TAC4: variants seen among roughly 807,000 people sequenced by gnomAD.
TAC4 encodes the protein tachykinin-4.
A neutral mutation model predicts 17.7 loss-of-function variants in TAC4; 17 were observed. That is an observed-to-expected ratio of 0.96 (90% CI 0.66 to 1.44). The LOEUF (loss-of-function observed/expected upper bound fraction) is 1.44, where lower values mean the gene tolerates loss of function less well. Ranked by LOEUF, TAC4 falls within the 40% of genes most tolerant of loss-of-function variation. The pLI, the probability that TAC4 is intolerant of heterozygous loss-of-function variation, is 0.00. For synonymous variants in TAC4, 62 were observed against 52.4 expected, an observed-to-expected ratio of 1.18 and a Z score of -0.79; for missense variants, 118 against 125.6, an observed-to-expected ratio of 0.94 and a Z score of 0.29.
chr17:49,847,979 C>T lies in TAC4; in HGVS notation c.39G>A (p.Leu13=). Residue 13 remains leucine (L), a synonymous_variant, in exon 1 of 5, where the codon CTG becomes CTA. Transcript: ENST00000436235. ...PCLALLLLME[L]SVCTVAGDGG... ...CATCACCTGCCACAGTGCACACGGA[C>T]AGCTCCATCAGGAGAAGCAGGGCGA... 6.2e-7 allele frequency: 1 copy of T among 1,614,224 alleles called. No homozygotes were observed.
At position 49,846,009 on chromosome 17, in the gene TAC4, A is replaced by G. The variant is rs140578810; in HGVS notation, c.106-1852T>C. On this transcript the variant is annotated intron_variant, in intron 1 of 4. Coordinates refer to ENST00000436235, the MANE Select transcript of TAC4 (RefSeq NM_001077506.2). The stretch of plus-strand genomic sequence containing the variant: ...CTCATGAAAACCACTTTGCCTTGGT[A>G]AGAGGCAGCCTTCAGGTGCAAGCTG... The G allele has an allele frequency of 5.1e-4, 126 of 248,176 alleles. No homozygotes were observed. In the East Asian group the frequency reaches 0.012, roughly 23 times the overall value. 15.4% of individuals were successfully genotyped at this position (248,176 alleles called of 1,614,324 possible).
intron 1 of TAC4, chr17:49,847,519 A>C: frequency 2.9e-6 from 1 of 345,472 alleles, no homozygotes; most frequent in Non-Finnish European, 5.6e-6. Flanking sequence ...TGGACAAACT[A>C]CTTGACTTCT....
At chr17:49,842,823 CTGTG>C (rs2074508801) in intron 2 of TAC4, among the ~76,000 whole-genome samples, 2 of 152,162 alleles carry the variant, frequency 1.3e-5, no homozygotes, top group South Asian at 4.1e-4. Flanking sequence ...ATTTGCATAT[CTGTG>C]TGTATGTCGT....
chr17:49,845,476 T>C (rs2070792214), intron 1 of TAC4, among the ~76,000 whole-genome samples: 1 of 152,236 alleles, frequency 6.6e-6, no homozygotes, highest in African/African-American at 2.4e-5. Context: ...CACATGTCTG[T>C]ATCCCCAGCT....
intron 2 of TAC4, among the ~76,000 whole-genome samples, chr17:49,841,901 CTTT>C (rs1161302297): frequency 1.0e-5 from 1 of 99,130 alleles, no homozygotes; most frequent in African/African-American, 3.9e-5. Context: ...GAGATTTAAT[CTTT>C]TTTTTTTTTT....
chr17:49,839,989 CAG>C, intron 3 of TAC4, 80 bp from the exon 4 acceptor site: 4 of 1,409,756 alleles, frequency 2.8e-6, no homozygotes, highest in Non-Finnish European at 4.0e-6. Context: ...GGACAAAGGA[CAG>C]GGCCAGGGCG....
In TAC4 at chr17:49,842,394, G is replaced by A. The variant is rs1160737530; in HGVS notation, c.200-810C>T. Among the ~76,000 whole-genome samples the A allele has an allele frequency of 2.0e-5, 3 of 151,954 alleles. No individual in the cohort carries two copies. In the East Asian group the frequency reaches 5.9e-4, roughly 30 times the overall value. On this transcript the variant is annotated intron_variant, in intron 2 of 4. Coordinates refer to ENST00000436235, the MANE Select transcript of TAC4 (RefSeq NM_001077506.2). The stretch of plus-strand genomic sequence containing the variant: ...AAATACAAAAAATTAGCCAGGCATG[G>A]TGGCTGATGCCTGTAATCTCAACTA...
intron 1 of TAC4, chr17:49,846,183 A>G (rs1304321062): frequency 1.6e-6 from 2 of 1,288,106 alleles, no homozygotes; most frequent in South Asian, 1.2e-5. Context: ...TATCCATTTA[A>G]CCCAAATCCC....
Position 49,841,581 on chromosome 17 carries a change from C to T in TAC4, c.203G>A (p.Arg68Lys). The change falls in exon 3 of 5, where the codon AGA (arginine) becomes AAA (lysine). Residue 68 changes from arginine (R) to lysine (K), a missense_variant. Physicochemically the swap from Arg to Lys is conservative, Grantham distance 26. Coordinates refer to ENST00000436235, the MANE Select transcript of TAC4 (RefSeq NM_001077506.2). ...TTTTCTCCTTGGCTGGATCAGAGGTCTTCCTGGGGGAAGGAGAAGGAATGA... is the reference window on the plus strand; with the variant it reads ...TTTTCTCCTTGGCTGGATCAGAGGTTTTCCTGGGGGAAGGAGAAGGAATGA... ...FGLMGKRVGG[R>K]PLIQPRRKKA... The T allele has an allele frequency of 1.3e-6, 2 of 1,574,252 alleles. No individual in the cohort carries two copies. The highest frequency in any genetic ancestry group is 1.8e-5 in the Admixed American group (1 of 54,640).
intron 1 of TAC4, chr17:49,847,329 G>A: frequency 8.5e-7 from 1 of 1,182,762 alleles, no homozygotes; most frequent in Non-Finnish European, 1.1e-6. Flanking sequence ...CAATCAGATT[G>A]TCAGGCAGGA....
intron 1 of TAC4, chr17:49,847,314 CT>C (rs779216577): frequency 2.4e-6 from 3 of 1,224,986 alleles, no homozygotes; most frequent in Middle Eastern, 2.2e-4. Flanking sequence ...GGATCTTTGC[CT>C]CCCCAATCAG....
At chr17:49,843,170 A>G (rs1427377670) in intron 2 of TAC4, among the ~76,000 whole-genome samples, 1 of 152,242 alleles carries the variant, frequency 6.6e-6, no homozygotes, top group Non-Finnish European at 1.5e-5. Context: ...CGTGTCCTCC[A>G]AATAGACAGT....
At chr17:49,847,684 CACACACAG>C (rs1317228070) in intron 1 of TAC4, 65 of 507,932 alleles carry the variant, frequency 1.3e-4, no homozygotes, top group South Asian at 5.7e-4. Flanking sequence ...CACACACACA[CACACACAG>C]ACACACACAC....
intron 1 of TAC4, chr17:49,846,797 G>T: frequency 2.2e-6 from 1 of 447,992 alleles, no homozygotes; most frequent in East Asian, 7.2e-5. Context: ...TTCCCATGGG[G>T]CTGCGTAGTG....
Position 49,847,686 on chromosome 17 carries a change from C to CAG in TAC4, c.105+226_105+227insCT, listed in dbSNP as rs201475624. Reference sequence around the variant, plus strand: ...AGTATTTCTTACACACACACACACACACACAGACACACACACACACACACA... The same window carrying CAG: ...AGTATTTCTTACACACACACACACACAGACACAGACACACACACACACACACA... On this transcript the variant is annotated intron_variant, in intron 1 of 4. Coordinates refer to ENST00000436235, the MANE Select transcript of TAC4 (RefSeq NM_001077506.2). 7.0e-3 allele frequency: 3,444 copies of CAG among 490,118 alleles called. 14 individuals carry two copies. The highest frequency in any genetic ancestry group is 9.4e-3 in the South Asian group (433 of 46,192). The allele number at this position is 490,118 out of a possible 1,614,324, so 30.4% of individuals were successfully genotyped here.
At chr17:49,846,275 C>A (rs1164590935) in intron 1 of TAC4, 1 of 1,198,788 alleles carries the variant, frequency 8.3e-7, no homozygotes, top group South Asian at 1.4e-5. Flanking sequence ...TTCCTGTTAC[C>A]TCATTTTTTT....
chr17:49,844,917 T>C (rs1265787442), intron 1 of TAC4, among the ~76,000 whole-genome samples: 1 of 152,172 alleles, frequency 6.6e-6, no homozygotes, highest in African/African-American at 2.4e-5. Context: ...CCCCGGCCCC[T>C]GCATTTTACA....
chr17:49,846,114 G>A (rs1283527688), intron 1 of TAC4: 11 of 896,334 alleles, frequency 1.2e-5, no homozygotes, highest in South Asian at 9.0e-5. Context: ...GGGGGCATTC[G>A]GAGACATTGG....
chr17:49,841,285 C>T (rs146461750), intron 3 of TAC4, among the ~76,000 whole-genome samples: 432 of 137,630 alleles, frequency 3.1e-3, no homozygotes, highest in Non-Finnish European at 4.8e-3. Context: ...AGGCTTTAGA[C>T]GTAAGGTAAT....
Sources: gnomAD v4.1 joint callset for allele counts (sites outside exome capture counted in the v4.1 genomes callset) on GRCh38, gnomAD v4.1.1 for gene constraint, MANE v1.5 for transcripts, NCBI Gene and HGNC (gene_info 2026-07-23, HGNC 2026-07-21) for gene names.